Variants in PCDHGA8 observed in about 807,000 individuals in gnomAD.
The protein encoded by PCDHGA8 is protocadherin gamma-A8.
A neutral mutation model predicts 59.2 loss-of-function variants in PCDHGA8; 45 were observed. The ratio of observed to expected loss-of-function variants is 0.76; its 90% confidence interval spans 0.60 to 0.98. The LOEUF is 0.98. Ranked by LOEUF, PCDHGA8 falls within the 50% of genes least tolerant of loss-of-function variation. The pLI is 0.00. For synonymous variants in PCDHGA8, 531 were observed against 519.0 expected, an observed-to-expected ratio of 1.02 and a Z score of -0.32; for missense variants, 1,257 against 1,196.2, an observed-to-expected ratio of 1.05 and a Z score of -0.75.
intron 1 of PCDHGA8, chr5:141,399,640 G>C: frequency 2.5e-6 from 4 of 1,613,836 alleles, no homozygotes; most frequent in Non-Finnish European, 3.4e-6. Flanking sequence ...GTCCATGAGC[G>C]CGCAAAGTGG....
At chr5:141,462,984 T>G (rs1349170605) in intron 1 of PCDHGA8, among the ~76,000 whole-genome samples, 1 of 152,156 alleles carries the variant, frequency 6.6e-6, no homozygotes, top group African/African-American at 2.4e-5. Context: ...ACTTTTGCCT[T>G]GGGCTAATTT....
At chr5:141,447,824 G>A (rs926580893) in intron 1 of PCDHGA8, among the ~76,000 whole-genome samples, 7 of 152,034 alleles carry the variant, frequency 4.6e-5, no homozygotes, top group Admixed American at 1.3e-4. Flanking sequence ...GGTGGCTCAC[G>A]CCTGTAATCC....
chr5:141,413,909 T>C, intron 1 of PCDHGA8: 2 of 1,613,316 alleles, frequency 1.2e-6, no homozygotes, highest in Non-Finnish European at 1.7e-6. Context: ...AACGCGCCGG[T>C]CTTCACCTTG....
At chr5:141,397,813 A>G (rs2093571371) in intron 1 of PCDHGA8, among the ~76,000 whole-genome samples, 2 of 152,216 alleles carry the variant, frequency 1.3e-5, no homozygotes, top group Non-Finnish European at 2.9e-5. Flanking sequence ...GCACACAAAA[A>G]CAATTACTGC....
At chr5:141,415,183 G>A (rs201831693) in intron 1 of PCDHGA8, 913 of 1,613,968 alleles carry the variant, frequency 5.7e-4, no homozygotes, top group Non-Finnish European at 5.1e-4. Flanking sequence ...GGCCGTGGCC[G>A]ACAGCATCCC....
intron 1 of PCDHGA8, chr5:141,423,114 A>G: frequency 1.9e-6 from 3 of 1,613,848 alleles, no homozygotes; most frequent in Non-Finnish European, 1.7e-6. Context: ...AGGTGCGTAC[A>G]GCGCGGGCAC....
chr5:141,423,877 C>G, intron 1 of PCDHGA8: 1 of 1,283,890 alleles, frequency 7.8e-7, no homozygotes, highest in South Asian at 3.4e-5. Flanking sequence ...ATTTTTCAAT[C>G]TTGGCATATT....
chr5:141,413,150 T>C, intron 1 of PCDHGA8: 1 of 1,573,292 alleles, frequency 6.4e-7, no homozygotes. Context: ...AGTGAGGACT[T>C]TGCAGAATTC....
chr5:141,403,324 T>G (rs769971532), intron 1 of PCDHGA8: 1 of 1,613,974 alleles, frequency 6.2e-7, no homozygotes, highest in East Asian at 2.2e-5. Context: ...TAGAAGTAAC[T>G]GATATTAACG....
intron 1 of PCDHGA8, chr5:141,404,658 C>A: frequency 6.2e-7 from 1 of 1,614,198 alleles, no homozygotes; most frequent in Non-Finnish European, 8.5e-7. Flanking sequence ...GCCCTCCCCA[C>A]TGATGGTTCT....
chr5:141,447,742 T>G (rs1440015460), intron 1 of PCDHGA8, among the ~76,000 whole-genome samples: 3 of 152,056 alleles, frequency 2.0e-5, no homozygotes, highest in Non-Finnish European at 4.4e-5. Flanking sequence ...AACTTAAGAG[T>G]CTTGCATGTG....
chr5:141,483,637 G>C (rs1365525499), intron 1 of PCDHGA8, among the ~76,000 whole-genome samples: 2 of 145,762 alleles, frequency 1.4e-5, no homozygotes. Context: ...AAGGTATAGA[G>C]GGGTGTGTGT....
intron 1 of PCDHGA8, among the ~76,000 whole-genome samples, chr5:141,446,746 C>T (rs1413869259): frequency 6.6e-6 from 1 of 152,170 alleles, no homozygotes; most frequent in Non-Finnish European, 1.5e-5. Context: ...GGATTACAGG[C>T]GTGAGCCACC....
In PCDHGA8 at chr5:141,394,845, C is replaced by G. The variant is rs2093112269; in HGVS notation, c.2032C>G (p.Leu678Val). 1.2e-5 allele frequency: 20 copies of G among 1,613,866 alleles called. No homozygotes were observed. Among genetic ancestry groups the G allele is most frequent in the Non-Finnish European group, 1.7e-5 (20 of 1,179,954 alleles). ...IPEVLTELGS[L>V]KPSVDPNDSS... ...CGAAGTCCTGACCGAGTTGGGCAGT[C>G]TGAAGCCTTCGGTCGACCCGAACGA... The change falls in exon 1 of 4, where the codon CTG (leucine) becomes GTG (valine). Residue 678 changes from leucine (L) to valine (V), a missense_variant. Leu to Val is a conservative substitution (Grantham distance 32). Coordinates refer to ENST00000398604, the MANE Select transcript of PCDHGA8 (RefSeq NM_032088.2).
At chr5:141,469,249 C>T (rs1025813940) in intron 1 of PCDHGA8, among the ~76,000 whole-genome samples, 1 of 152,026 alleles carries the variant, frequency 6.6e-6, no homozygotes, top group Non-Finnish European at 1.5e-5. Flanking sequence ...TGCACTCCAG[C>T]TTGGGCAACA....
At chr5:141,426,174 G>A (rs1213063298) in intron 1 of PCDHGA8, 1 of 155,354 alleles carries the variant, frequency 6.4e-6, no homozygotes, top group Non-Finnish European at 1.4e-5. Flanking sequence ...ACGGATTGGG[G>A]TGCCCTCAAA....
intron 1 of PCDHGA8, chr5:141,428,344 G>C (rs970552377): frequency 8.4e-6 from 5 of 596,498 alleles, no homozygotes; most frequent in Non-Finnish European, 1.5e-5. Context: ...CTTCTTCCTC[G>C]CAGTGATTTT....
At chr5:141,455,661 T>TG (rs2098828692) in intron 1 of PCDHGA8, among the ~76,000 whole-genome samples, 1 of 152,024 alleles carries the variant, frequency 6.6e-6, no homozygotes, top group South Asian at 2.1e-4. Context: ...CAGGAACTTG[T>TG]GGGGCAAGGG....
intron 1 of PCDHGA8, among the ~76,000 whole-genome samples, chr5:141,480,400 G>A (rs1364147575): frequency 6.8e-6 from 1 of 146,550 alleles, no homozygotes; most frequent in Non-Finnish European, 1.5e-5. Context: ...TGGCAATAGA[G>A]TGAGACCCTG....
Sources: allele counts gnomAD v4.1 joint callset (sites outside exome capture counted in the v4.1 genomes callset), GRCh38; gene constraint gnomAD v4.1.1; transcripts MANE v1.5; gene names NCBI Gene and HGNC (gene_info 2026-07-23, HGNC 2026-07-21).